ZNF407: variants seen among roughly 807,000 people sequenced by gnomAD.
The protein encoded by ZNF407 is zinc finger protein 407.
A neutral mutation model predicts 131.2 loss-of-function variants in ZNF407; 17 were observed. The ratio of observed to expected loss-of-function variants is 0.13; its 90% CI spans 0.09 to 0.19. The LOEUF (loss-of-function observed/expected upper bound fraction) is 0.19, where lower values mean the gene tolerates loss of function less well. Ranked by LOEUF, ZNF407 falls within the 10% of genes least tolerant of loss-of-function variation. ZNF407 has a pLI of 1.00. For synonymous variants in ZNF407, 1,156 were observed against 1,062.0 expected (o/e 1.09, Z -1.72); for missense variants, 2,681 against 2,830.6 (o/e 0.95, Z 1.20).
chr18:74,719,336 CCTACGCTTCCTA>C (rs752386097), intron 3 of ZNF407, among the ~76,000 whole-genome samples: 4 of 152,188 alleles, frequency 2.6e-5, no homozygotes, highest in Non-Finnish European at 5.9e-5. Flanking sequence ...CTCCCTTCCT[CCTACGCTTCCTA>C]CCCGCTAGTA....
intron 4 of ZNF407, among the ~76,000 whole-genome samples, chr18:74,811,602 T>C (rs1970195846): frequency 6.6e-6 from 1 of 151,932 alleles, no homozygotes; most frequent in African/African-American, 2.4e-5. Context: ...CTATTCACAA[T>C]AGCAAAGACT....
chr18:74,706,366 A>G (rs1967623834), intron 3 of ZNF407, among the ~76,000 whole-genome samples: 1 of 152,004 alleles, frequency 6.6e-6, no homozygotes, highest in African/African-American at 2.4e-5. Context: ...TCTGTAATAA[A>G]CTCTTAGAAT....
rs946845806 is a variant in ZNF407 at position 74,920,769 on chromosome 18, A to G, written c.5428+77A>G. 25 of 1,454,668 alleles carry G rather than the reference A, an allele frequency of 1.7e-5. No homozygotes were observed. The African/African-American group carries it at 2.9e-4, about 17-fold the overall frequency. The allele number at this position is 1,454,668 out of a possible 1,614,324, so 90.1% of individuals were successfully genotyped here. A position where few individuals can be genotyped will look rare whatever the true frequency, so the allele number is the denominator to read the frequency against. ...ACAGCAGTTATAATGCTATTTGTAC[A>G]TTACCATGATTTATTGTAATGGAGT... On this transcript the variant is annotated intron_variant, in intron 8 of 8. Coordinates refer to ENST00000299687, the MANE Select transcript of ZNF407 (RefSeq NM_017757.3).
Position 74,994,744 on chromosome 18 carries a change from C to A in ZNF407, c.5429-68406C>A, listed in dbSNP as rs1030721196. Among the ~76,000 whole-genome samples, 44 of 152,230 alleles carry A rather than the reference C, an allele frequency of 2.9e-4. 1 individual carries two copies. The highest frequency in any genetic ancestry group is 8.9e-4 in the African/African-American group (37 of 41,530). On this transcript the variant is annotated intron_variant, in intron 8 of 8. Transcript: ENST00000299687. ...CAAAAGACGGCAGCGGCACTCAGGA[C>A]CCAGCGACAGGAAGAATAGATGATG...
Position 74,630,167 on chromosome 18 carries a change from C to CTTTT in ZNF407, c.-53-782_-53-779dup, listed in dbSNP as rs1183755965. 9.1e-5 allele frequency among the ~76,000 whole-genome samples: 11 copies of CTTTT among 120,256 alleles called. 1 individual carries two copies. Among genetic ancestry groups the CTTTT allele is most frequent in the South Asian group, 5.6e-4 (2 of 3,578 alleles). The allele number at this position is 120,256 out of a possible 152,430, so 78.9% of individuals were successfully genotyped here. ...GGAGAAAAGGATGAAACAGTGGTGT[C>CTTTT]TTTTTTTTTTTTTTTTTTTTTGAGA... On this transcript the variant is annotated intron_variant, in intron 1 of 8. Coordinates refer to ENST00000299687, the MANE Select transcript of ZNF407 (RefSeq NM_017757.3).
intron 3 of ZNF407, among the ~76,000 whole-genome samples, chr18:74,736,537 C>G (rs1306975518): frequency 6.6e-6 from 1 of 152,108 alleles, no homozygotes; most frequent in Admixed American, 6.6e-5. Context: ...AGTTTCATCA[C>G]TTCATTAATT....
intron 3 of ZNF407, among the ~76,000 whole-genome samples, chr18:74,706,484 C>T (rs1276935599): frequency 1.3e-5 from 2 of 152,184 alleles, no homozygotes; most frequent in Admixed American, 1.3e-4. Context: ...AATTTGGATG[C>T]TCATTCGTTT....
chr18:74,708,294 A>T (rs1164010102), intron 3 of ZNF407, among the ~76,000 whole-genome samples: 1 of 152,212 alleles, frequency 6.6e-6, no homozygotes, highest in African/African-American at 2.4e-5. Context: ...ATAATGTATC[A>T]TTATACTATA....
At chr18:74,655,300 A>G (rs1985402860) in intron 3 of ZNF407, among the ~76,000 whole-genome samples, 2 of 152,056 alleles carry the variant, frequency 1.3e-5, no homozygotes, top group African/African-American at 2.4e-5. Flanking sequence ...ACACACAAAT[A>G]TACATATATA....
chr18:74,817,722 C>T (rs1331685514), intron 4 of ZNF407, among the ~76,000 whole-genome samples: 10 of 152,082 alleles, frequency 6.6e-5, no homozygotes, highest in Admixed American at 3.9e-4. Context: ...CTGTCTTGGG[C>T]GTGTATAATT....
At chr18:74,913,740 A>AAACATC (rs1359660627) in intron 7 of ZNF407, among the ~76,000 whole-genome samples, 1 of 152,192 alleles carries the variant, frequency 6.6e-6, no homozygotes, top group Non-Finnish European at 1.5e-5. Flanking sequence ...CAACCAAAAT[A>AAACATC]AACATCAAAT....
At chr18:74,836,138 T>G (rs1970556443) in intron 4 of ZNF407, among the ~76,000 whole-genome samples, 1 of 152,088 alleles carries the variant, frequency 6.6e-6, no homozygotes, top group Non-Finnish European at 1.5e-5. Context: ...GGTTAAAAAC[T>G]TAAAGAAAAT....
intron 3 of ZNF407, among the ~76,000 whole-genome samples, chr18:74,769,074 A>G (rs1969307058): frequency 6.6e-6 from 1 of 152,122 alleles, no homozygotes; most frequent in Non-Finnish European, 1.5e-5. Flanking sequence ...TAGGCACTAC[A>G]GTAAGTCTTC....
intron 3 of ZNF407, among the ~76,000 whole-genome samples, chr18:74,754,450 A>G (rs993035272): frequency 6.6e-6 from 1 of 152,180 alleles, no homozygotes; most frequent in Non-Finnish European, 1.5e-5. Context: ...TAGGATATCA[A>G]TTTTAGATCT....
intron 8 of ZNF407, among the ~76,000 whole-genome samples, chr18:74,972,903 T>C (rs1972488259): frequency 6.6e-6 from 1 of 152,172 alleles, no homozygotes; most frequent in South Asian, 2.1e-4. Flanking sequence ...TCTTTAACAA[T>C]CTCTGTTATT....
At chr18:74,748,815 T>C (rs1968730829) in intron 3 of ZNF407, among the ~76,000 whole-genome samples, 1 of 152,170 alleles carries the variant, frequency 6.6e-6, no homozygotes, top group African/African-American at 2.4e-5. Flanking sequence ...GACCCTGTTA[T>C]GTCAAAAATA....
intron 4 of ZNF407, among the ~76,000 whole-genome samples, chr18:74,862,449 A>C (rs921012177): frequency 3.3e-5 from 5 of 152,378 alleles, no homozygotes; most frequent in Non-Finnish European, 1.5e-5. Context: ...TCATACATTT[A>C]TGAAACCCTG....
intron 4 of ZNF407, among the ~76,000 whole-genome samples, chr18:74,874,482 G>C (rs1971128662): frequency 6.6e-6 from 1 of 152,196 alleles, no homozygotes; most frequent in Admixed American, 6.5e-5. Flanking sequence ...GGTGGCTGGA[G>C]GGGCATCTCC....
chr18:74,883,079 G>A (rs1971260039), intron 6 of ZNF407, among the ~76,000 whole-genome samples: 1 of 152,136 alleles, frequency 6.6e-6, no homozygotes, highest in Non-Finnish European at 1.5e-5. Flanking sequence ...CACTGAGCTG[G>A]CACAACTTTA....
Sources: gnomAD v4.1 joint callset for allele counts (sites outside exome capture counted in the v4.1 genomes callset) on GRCh38, gnomAD v4.1.1 for gene constraint, MANE v1.5 for transcripts, NCBI Gene and HGNC (gene_info 2026-07-23, HGNC 2026-07-21) for gene names.